CDH13: variants seen among roughly 807,000 people sequenced by gnomAD.
CDH13 encodes the protein cadherin 13, also known as cadherin-13.
Under a neutral mutation model 63.8 loss-of-function variants are expected in CDH13, and 24 were observed. The ratio of observed to expected loss-of-function variants is 0.38; its 90% confidence interval spans 0.27 to 0.53. CDH13 has a LOEUF of 0.53. Ranked by LOEUF, CDH13 falls within the 20% of genes least tolerant of loss-of-function variation. CDH13 has a pLI of 0.85. For synonymous variants in CDH13, 503 were observed against 355.3 expected (o/e 1.42, Z -4.67); for missense variants, 1,049 against 903.1 (o/e 1.16, Z -2.07).
chr16:82,940,780 G>T (rs755431547), intron 2 of CDH13, among the ~76,000 whole-genome samples: 6 of 152,068 alleles, frequency 3.9e-5, no homozygotes, highest in Admixed American at 2.0e-4. Context: ...AGCAAATGCT[G>T]GTGTTTAAAG....
chr16:82,807,522 A>G (rs1401328228), intron 1 of CDH13, among the ~76,000 whole-genome samples: 1 of 152,046 alleles, frequency 6.6e-6, no homozygotes, highest in Non-Finnish European at 1.5e-5. Context: ...GAACTTTACA[A>G]AAGAAATAAG....
chr16:82,797,376 G>T (rs1465500605), intron 1 of CDH13, among the ~76,000 whole-genome samples: 3 of 152,186 alleles, frequency 2.0e-5, no homozygotes, highest in African/African-American at 7.2e-5. Flanking sequence ...TGCATCATTA[G>T]TGCAGAGCCC....
chr16:83,698,609 C>G (rs890299778), intron 10 of CDH13, among the ~76,000 whole-genome samples: 1 of 152,212 alleles, frequency 6.6e-6, no homozygotes, highest in Non-Finnish European at 1.5e-5. Context: ...CTAACTCACA[C>G]AGGCGGTATG....
intron 4 of CDH13, among the ~76,000 whole-genome samples, chr16:83,138,703 G>T (rs557196590): frequency 6.6e-6 from 1 of 152,160 alleles, no homozygotes; most frequent in Admixed American, 6.5e-5. Flanking sequence ...GGAATCACAC[G>T]ATCAGATTTG....
chr16:83,125,548 G>C, intron 4 of CDH13, 47 bp downstream of exon 4: 2 of 1,004,084 alleles, frequency 2.0e-6, no homozygotes, highest in Non-Finnish European at 3.2e-6. Flanking sequence ...TTTATGAAAA[G>C]ATGAGCACAG....
At chr16:82,690,347 T>A (rs1421500407) in intron 1 of CDH13, among the ~76,000 whole-genome samples, 1 of 152,132 alleles carries the variant, frequency 6.6e-6, no homozygotes, top group Non-Finnish European at 1.5e-5. Flanking sequence ...AATATTTAGT[T>A]GTATTTTAAT....
chr16:83,570,043 G>T (rs1206304716), intron 7 of CDH13, among the ~76,000 whole-genome samples: 1 of 152,110 alleles, frequency 6.6e-6, no homozygotes, highest in Non-Finnish European at 1.5e-5. Context: ...CCAGGAGCCA[G>T]TGGTTTTAAA....
At chr16:83,688,127 A>G (rs757067527) in intron 10 of CDH13, among the ~76,000 whole-genome samples, 1 of 152,232 alleles carries the variant, frequency 6.6e-6, no homozygotes, top group African/African-American at 2.4e-5. Context: ...CCCATGATTC[A>G]TCAAGTCCTT....
chr16:83,025,782 C>G (rs964043520), intron 2 of CDH13, among the ~76,000 whole-genome samples: 12 of 152,112 alleles, frequency 7.9e-5, no homozygotes, highest in African/African-American at 2.9e-4. Flanking sequence ...TACTCTTTTC[C>G]AGGAATGGCT....
At position 83,783,346 on chromosome 16, in the gene CDH13, A is replaced by G. The variant is rs1390806269; in HGVS notation, c.2008A>G (p.Thr670Ala). 3 of 1,613,960 alleles carry G rather than the reference A, an allele frequency of 1.9e-6. No homozygotes were observed. The South Asian group carries it at 3.3e-5, about 18-fold the overall frequency. Residue 670 changes from threonine (T) to alanine (A), a missense_variant, in exon 13 of 14, where the codon ACG becomes GCG. By Grantham distance (58) the Thr-to-Ala change is moderately conservative. Transcript: ENST00000567109. ...MVTDSGKPPM[T>A]NITDLRVQVC... ...GACAGATTCAGGGAAACCACCCATG[A>G]CGAATATCACAGATCTCAGGGTACA...
intron 3 of CDH13, among the ~76,000 whole-genome samples, chr16:83,058,321 C>T (rs1288058991): frequency 6.6e-6 from 1 of 152,186 alleles, no homozygotes; most frequent in East Asian, 1.9e-4. Context: ...AGCAGCGCCT[C>T]CACGTTTTGT....
intron 3 of CDH13, among the ~76,000 whole-genome samples, chr16:83,123,765 C>T (rs951755817): frequency 2.6e-5 from 4 of 152,094 alleles, no homozygotes; most frequent in Admixed American, 6.5e-5. Context: ...GTTTTCAGTT[C>T]TTTGAGAAAT....
chr16:82,975,031 C>T (rs1024498191), intron 2 of CDH13, among the ~76,000 whole-genome samples: 9 of 152,048 alleles, frequency 5.9e-5, no homozygotes, highest in Non-Finnish European at 1.3e-4. Context: ...ACATGAAGTC[C>T]TCACGTCTGC....
intron 1 of CDH13, chr16:82,727,670 T>C (rs887944301): frequency 2.6e-5 from 4 of 152,196 alleles, no homozygotes; most frequent in Admixed American, 2.0e-4. Flanking sequence ...TCAGAGTAGA[T>C]TCTGGAGGTA....
chr16:83,488,419 A>G (rs941975386), intron 7 of CDH13, among the ~76,000 whole-genome samples: 1 of 152,216 alleles, frequency 6.6e-6, no homozygotes, highest in African/African-American at 2.4e-5. Context: ...CTAAGATCTT[A>G]CATAAGCTGT....
At chr16:83,060,582 A>C (rs933973679) in intron 3 of CDH13, among the ~76,000 whole-genome samples, 1 of 152,188 alleles carries the variant, frequency 6.6e-6, no homozygotes, top group Non-Finnish European at 1.5e-5. Flanking sequence ...GTTAAGTAAC[A>C]TTCCCACTGC....
At chr16:83,500,028 C>G (rs551731550) in intron 7 of CDH13, among the ~76,000 whole-genome samples, 2 of 152,004 alleles carry the variant, frequency 1.3e-5, no homozygotes, top group Non-Finnish European at 2.9e-5. Flanking sequence ...GTCTTGAACT[C>G]ATGACTTCAG....
intron 4 of CDH13, among the ~76,000 whole-genome samples, chr16:83,154,029 C>T (rs1488109552): frequency 6.6e-6 from 1 of 152,184 alleles, no homozygotes; most frequent in African/African-American, 2.4e-5. Flanking sequence ...CCTGGCCCCT[C>T]TTTAGAGAGC....
At chr16:83,108,366 C>T (rs2034887057) in intron 3 of CDH13, among the ~76,000 whole-genome samples, 1 of 152,154 alleles carries the variant, frequency 6.6e-6, no homozygotes, top group East Asian at 1.9e-4. Flanking sequence ...TGTCAAACAA[C>T]CAGGAAAGAC....
Sources: allele counts gnomAD v4.1 joint callset (sites outside exome capture counted in the v4.1 genomes callset), GRCh38; gene constraint gnomAD v4.1.1; transcripts MANE v1.5; gene names NCBI Gene and HGNC (gene_info 2026-07-23, HGNC 2026-07-21).